The following FARS2 variants were observed in gnomAD, a reference collection of about 807,000 sequenced individuals.
FARS2 encodes the protein phenylalanine--tRNA ligase, mitochondrial.
Under a neutral mutation model 46.4 loss-of-function variants are expected in FARS2, and 40 were observed. The ratio of observed to expected loss-of-function variants is 0.86; its 90% CI spans 0.67 to 1.12. The LOEUF is 1.12. Ranked by LOEUF, FARS2 falls within the 50% of genes most tolerant of loss-of-function variation. FARS2 has a pLI of 0.00. For synonymous variants in FARS2, 234 were observed against 214.9 expected (o/e 1.09, Z -0.78); for missense variants, 513 against 567.9 (o/e 0.90, Z 0.98).
At chr6:5,433,731 A>C (rs1020689521) in intron 4 of FARS2, among the ~76,000 whole-genome samples, 4 of 152,226 alleles carry the variant, frequency 2.6e-5, no homozygotes, top group African/African-American at 9.6e-5. Flanking sequence ...AAAGACTTCA[A>C]TGACTACTAG....
chr6:5,407,517 C>T (rs1055260557), intron 3 of FARS2, among the ~76,000 whole-genome samples: 6 of 151,906 alleles, frequency 3.9e-5, no homozygotes, highest in Non-Finnish European at 8.8e-5. Flanking sequence ...AAAAAGTGCA[C>T]ATCAACTTCA....
At chr6:5,511,097 C>T (rs932536303) in intron 4 of FARS2, among the ~76,000 whole-genome samples, 1 of 152,072 alleles carries the variant, frequency 6.6e-6, no homozygotes, top group Admixed American at 6.5e-5. Context: ...CACAAGTGTC[C>T]CACACTTTCA....
chr6:5,271,736 T>C (rs1444367803), intron 1 of FARS2, among the ~76,000 whole-genome samples: 2 of 152,018 alleles, frequency 1.3e-5, no homozygotes, highest in Non-Finnish European at 1.5e-5. Context: ...CTAATTTTTA[T>C]ATTTTTAGTA....
chr6:5,649,566 C>CGA (rs1407080811), intron 6 of FARS2, among the ~76,000 whole-genome samples: 1 of 152,212 alleles, frequency 6.6e-6, no homozygotes, highest in African/African-American at 2.4e-5. Context: ...CCCTACCTGG[C>CGA]ACCAGACCAG....
chr6:5,544,062 T>A (rs1582406558), intron 4 of FARS2, among the ~76,000 whole-genome samples: 1 of 152,012 alleles, frequency 6.6e-6, no homozygotes, highest in Admixed American at 6.5e-5. Flanking sequence ...GAAGCTGGGG[T>A]GCTATCATCA....
intron 5 of FARS2, among the ~76,000 whole-genome samples, chr6:5,549,858 A>G (rs574792692): frequency 7.2e-5 from 11 of 152,316 alleles, no homozygotes; most frequent in African/African-American, 2.4e-4. Flanking sequence ...TGTAAAATAC[A>G]TTCAGCCTAT....
chr6:5,529,576 G>A (rs1157904678), intron 4 of FARS2, among the ~76,000 whole-genome samples: 1 of 152,150 alleles, frequency 6.6e-6, no homozygotes, highest in Non-Finnish European at 1.5e-5. Flanking sequence ...AAAGTGCTGG[G>A]ATTACAGGTG....
At chr6:5,606,617 T>C (rs1774853456) in intron 5 of FARS2, among the ~76,000 whole-genome samples, 1 of 152,146 alleles carries the variant, frequency 6.6e-6, no homozygotes, top group Non-Finnish European at 1.5e-5. Context: ...ACCGCTGCAC[T>C]TTCATAGATG....
At chr6:5,731,459 C>T (rs1280322699) in intron 6 of FARS2, among the ~76,000 whole-genome samples, 1 of 152,200 alleles carries the variant, frequency 6.6e-6, no homozygotes, top group Non-Finnish European at 1.5e-5. Flanking sequence ...TTCCATGTCT[C>T]CTGCTTCTGC....
At chr6:5,667,335 T>C (rs1348089149) in intron 6 of FARS2, among the ~76,000 whole-genome samples, 1 of 151,592 alleles carries the variant, frequency 6.6e-6, no homozygotes, top group Non-Finnish European at 1.5e-5. Flanking sequence ...CTGGCCAATA[T>C]GGAGAAACCC....
chr6:5,692,122 C>T lies in FARS2; in HGVS notation c.1217+78802C>T, dbSNP rs528688532. 1.3e-4 allele frequency among the ~76,000 whole-genome samples: 20 copies of T among 152,344 alleles called. No homozygotes were observed. The South Asian group carries it at 3.9e-3, about 30-fold the overall frequency. ...TTGACTAGGAAAGGGAATTCCCTGA[C>T]CCCTTGTGCTTCCCGGGTGAGGCGA... is the stretch of plus-strand genomic sequence containing the variant. On this transcript the variant is annotated intron_variant, in intron 6 of 6. Transcript: ENST00000274680.
intron 2 of FARS2, among the ~76,000 whole-genome samples, chr6:5,394,537 G>C (rs997854614): frequency 2.0e-4 from 30 of 152,110 alleles, no homozygotes; most frequent in Admixed American, 2.0e-4. Flanking sequence ...AGTGACACAT[G>C]CTTGTGTGTG....
chr6:5,318,433 T>A (rs1159929891), intron 1 of FARS2, among the ~76,000 whole-genome samples: 1 of 147,140 alleles, frequency 6.8e-6, no homozygotes, highest in Non-Finnish European at 1.5e-5. Flanking sequence ...AGGAAAATCT[T>A]GGTGGAAGGT....
At chr6:5,708,913 C>G (rs2150897882) in intron 6 of FARS2, among the ~76,000 whole-genome samples, 1 of 152,256 alleles carries the variant, frequency 6.6e-6, no homozygotes, top group African/African-American at 2.4e-5. Context: ...ATCATCCTGC[C>G]TCAGCTTCCC....
At chr6:5,614,258 A>C (rs1299139800) in intron 6 of FARS2, among the ~76,000 whole-genome samples, 1 of 152,156 alleles carries the variant, frequency 6.6e-6, no homozygotes, top group East Asian at 1.9e-4. Context: ...CCTAGCTGTT[A>C]GAGAAGAAAC....
intron 4 of FARS2, chr6:5,452,802 G>C (rs1764577556): frequency 6.6e-6 from 1 of 152,172 alleles, no homozygotes; most frequent in African/African-American, 2.4e-5. Context: ...TATAGCAGTA[G>C]AAATTCAAGG....
chr6:5,722,752 A>C (rs1759994140), intron 6 of FARS2, among the ~76,000 whole-genome samples: 1 of 152,124 alleles, frequency 6.6e-6, no homozygotes, highest in Non-Finnish European at 1.5e-5. Context: ...GGTGTGAAGC[A>C]AGGTGAAAGG....
At chr6:5,724,656 G>A (rs796979511) in intron 6 of FARS2, among the ~76,000 whole-genome samples, 9 of 152,322 alleles carry the variant, frequency 5.9e-5, no homozygotes, top group Non-Finnish European at 7.3e-5. Context: ...TGTCCCTCAC[G>A]GAAGGATCTT....
At chr6:5,701,082 G>A (rs1758403482) in intron 6 of FARS2, among the ~76,000 whole-genome samples, 1 of 152,212 alleles carries the variant, frequency 6.6e-6, no homozygotes, top group Non-Finnish European at 1.5e-5. Context: ...TGCTGCAAAG[G>A]GTCCAGAAGG....
Sources: allele counts gnomAD v4.1 joint callset (sites outside exome capture counted in the v4.1 genomes callset), GRCh38; gene constraint gnomAD v4.1.1; transcripts MANE v1.5; gene names NCBI Gene and HGNC (gene_info 2026-07-23, HGNC 2026-07-21).